Variants in CADM2 observed in about 807,000 individuals in gnomAD.
CADM2 encodes immunoglobulin superfamily member 4D.
CADM2 carries 12 observed loss-of-function variants against 49.8 expected under a neutral mutation model. The ratio of observed to expected loss-of-function variants is 0.24; its 90% CI spans 0.15 to 0.39. CADM2 has a LOEUF of 0.39. CADM2 is among the 10% of genes least tolerant of loss of function. The probability of loss-of-function intolerance (pLI) is 1.00; values close to 1 mark genes in which losing one functional copy is unlikely to be tolerated. For synonymous variants in CADM2, 214 were observed against 175.4 expected (o/e 1.22, Z -1.74); for missense variants, 378 against 492.3 (o/e 0.77, Z 2.20).
At chr3:85,564,166 ATT>A (rs1491278199) in intron 1 of CADM2, among the ~76,000 whole-genome samples, 7 of 124,592 alleles carry the variant, frequency 5.6e-5, no homozygotes, top group Non-Finnish European at 1.1e-4. Context: ...AGAAAGCATG[ATT>A]CTCTCTCTCT....
intron 1 of CADM2, among the ~76,000 whole-genome samples, chr3:85,257,864 T>C (rs1320861923): frequency 6.6e-6 from 1 of 152,126 alleles, no homozygotes; most frequent in Non-Finnish European, 1.5e-5. Flanking sequence ...AAAATTAAAA[T>C]GAAATGACAG....
intron 1 of CADM2, among the ~76,000 whole-genome samples, chr3:85,182,751 G>A (rs2040967120): frequency 6.6e-6 from 1 of 151,984 alleles, no homozygotes; most frequent in Non-Finnish European, 1.5e-5. Flanking sequence ...AACATTTTAA[G>A]GATTATGAAT....
chr3:85,104,571 A>G (rs1032024210), intron 1 of CADM2, among the ~76,000 whole-genome samples: 5 of 152,164 alleles, frequency 3.3e-5, no homozygotes, highest in African/African-American at 9.7e-5. Flanking sequence ...TTGGAACCAT[A>G]TGAACTTTAA....
At chr3:85,812,891 A>G (rs2072968429) in intron 3 of CADM2, among the ~76,000 whole-genome samples, 1 of 152,054 alleles carries the variant, frequency 6.6e-6, no homozygotes, top group Non-Finnish European at 1.5e-5. Context: ...ATCCTTCTTT[A>G]TCGCTTCATA....
At chr3:85,385,110 T>C (rs11921010) in intron 1 of CADM2, among the ~76,000 whole-genome samples, 74,051 of 151,668 alleles carry the variant, frequency 0.49, 21,054 homozygotes, top group East Asian at 0.81. Context: ...AATTTTTGTA[T>C]ATTTAGTATA....
intron 1 of CADM2, among the ~76,000 whole-genome samples, chr3:85,552,392 T>G (rs1163172577): frequency 3.8e-5 from 2 of 52,760 alleles, no homozygotes; most frequent in African/African-American, 8.7e-5. Context: ...TTTTTTTTTT[T>G]TTTTGAGACG....
At chr3:85,582,281 C>A (rs533808585) in intron 1 of CADM2, among the ~76,000 whole-genome samples, 1 of 152,058 alleles carries the variant, frequency 6.6e-6, no homozygotes, top group African/African-American at 2.4e-5. Flanking sequence ...AAATAAATCC[C>A]AATAAAATAT....
rs544474804 is a variant in CADM2 at position 85,812,511 on chromosome 3, T to C, written c.238+10315T>C. 3.3e-5 allele frequency among the ~76,000 whole-genome samples: 5 copies of C among 152,264 alleles called. No homozygotes were observed. The South Asian group carries it at 1.0e-3, about 32-fold the overall frequency. ...AGGATCAGCACAGGCATCATGATAATTTAAGATATTCTAACATTCTCTTTT... is the reference window on the plus strand; with the variant it reads ...AGGATCAGCACAGGCATCATGATAACTTAAGATATTCTAACATTCTCTTTT... On this transcript the variant is annotated intron_variant, in intron 3 of 9. Coordinates refer to ENST00000383699, the MANE Select transcript of CADM2 (RefSeq NM_001167675.2).
chr3:85,488,442 T>A (rs1030157432), intron 1 of CADM2, among the ~76,000 whole-genome samples: 27 of 152,304 alleles, frequency 1.8e-4, no homozygotes, highest in Non-Finnish European at 3.8e-4. Context: ...ACATAATTAG[T>A]AGTCAGCCTC....
chr3:85,967,731 C>T lies in CADM2; in HGVS notation c.970+6084C>T, dbSNP rs545636449. Among the ~76,000 whole-genome samples, 11 of 151,520 alleles carry T rather than the reference C, an allele frequency of 7.3e-5. No homozygotes were observed. The South Asian group carries it at 8.3e-4, about 11-fold the overall frequency. On this transcript the variant is annotated intron_variant, in intron 8 of 9. Transcript: ENST00000383699. ...CATTTACTATTAAATTATCCAGCAA[C>T]GAAACATCTAGCAGTATTGAGAGGC...
intron 1 of CADM2, among the ~76,000 whole-genome samples, chr3:85,269,167 C>T (rs977336729): frequency 6.6e-6 from 1 of 151,150 alleles, no homozygotes; most frequent in East Asian, 1.9e-4. Context: ...TTTTTAAAGA[C>T]TGTAATAAAA....
At chr3:85,089,652 C>A (rs1450293973) in intron 1 of CADM2, among the ~76,000 whole-genome samples, 1 of 152,078 alleles carries the variant, frequency 6.6e-6, no homozygotes, top group Non-Finnish European at 1.5e-5. Flanking sequence ...GTATTTCCAA[C>A]CTTTAACTGG....
chr3:85,538,220 C>A (rs1416724118), intron 1 of CADM2, among the ~76,000 whole-genome samples: 2 of 152,078 alleles, frequency 1.3e-5, no homozygotes, highest in Non-Finnish European at 2.9e-5. Context: ...AGACACAATT[C>A]TAATAAGAAC....
At chr3:85,437,633 G>T (rs751497262) in intron 1 of CADM2, among the ~76,000 whole-genome samples, 6 of 151,776 alleles carry the variant, frequency 4.0e-5, no homozygotes, top group Non-Finnish European at 5.9e-5. Context: ...ATGCTTATTT[G>T]CCGTCTACAT....
At chr3:85,259,839 T>A (rs918223844) in intron 1 of CADM2, among the ~76,000 whole-genome samples, 2 of 152,070 alleles carry the variant, frequency 1.3e-5, no homozygotes, top group Admixed American at 6.6e-5. Context: ...GGGTCTAACA[T>A]AAGATGGAAA....
chr3:85,229,982 G>A (rs2042250938), intron 1 of CADM2, among the ~76,000 whole-genome samples: 1 of 152,168 alleles, frequency 6.6e-6, no homozygotes, highest in African/African-American at 2.4e-5. Context: ...TTAAACTGAT[G>A]AGAAAGACAC....
At chr3:85,530,440 C>T (rs1329387176) in intron 1 of CADM2, among the ~76,000 whole-genome samples, 1 of 149,564 alleles carries the variant, frequency 6.7e-6, no homozygotes, top group Admixed American at 6.7e-5. Flanking sequence ...ACGCCATTCT[C>T]CTGCCTCAGC....
intron 1 of CADM2, among the ~76,000 whole-genome samples, chr3:85,664,227 C>G (rs904651459): frequency 7.2e-5 from 11 of 151,866 alleles, no homozygotes; most frequent in Non-Finnish European, 1.5e-4. Flanking sequence ...TCTCCCATGA[C>G]CCCGTGATTT....
At chr3:85,331,716 G>A (rs1034535217) in intron 1 of CADM2, among the ~76,000 whole-genome samples, 1 of 151,904 alleles carries the variant, frequency 6.6e-6, no homozygotes. Flanking sequence ...CATAATGGCT[G>A]TGATAATTTA....
Sources: gnomAD v4.1 joint callset for allele counts (sites outside exome capture counted in the v4.1 genomes callset) on GRCh38, gnomAD v4.1.1 for gene constraint, MANE v1.5 for transcripts, NCBI Gene and HGNC (gene_info 2026-07-23, HGNC 2026-07-21) for gene names.